Variants in ASB3 observed in about 807,000 individuals in gnomAD.
The protein encoded by ASB3 is ankyrin repeat and SOCS box protein 3.
ASB3 carries 41 observed loss-of-function variants against 54.5 expected under a neutral mutation model. The observed-to-expected ratio is 0.75, with a 90% CI of 0.59 to 0.98. ASB3 has a LOEUF of 0.98. Among genes scored for constraint, ASB3 ranks in the 50% least tolerant of loss-of-function variants. The pLI, the probability that ASB3 is intolerant of heterozygous loss-of-function variation, is 0.00. For synonymous variants in ASB3, 266 were observed against 221.2 expected (o/e 1.20, Z -1.80); for missense variants, 733 against 620.0 (o/e 1.18, Z -1.94).
At chr2:53,769,096 T>C (rs1036718964) in intron 1 of ASB3, among the ~76,000 whole-genome samples, 3 of 152,226 alleles carry the variant, frequency 2.0e-5, no homozygotes, top group African/African-American at 7.2e-5. Flanking sequence ...AAAGGGGCAA[T>C]GGCTTAGGAT....
chr2:53,762,582 T>A (rs1024102212), intron 2 of ASB3, among the ~76,000 whole-genome samples: 3 of 152,246 alleles, frequency 2.0e-5, no homozygotes, highest in Non-Finnish European at 4.4e-5. Context: ...AAGTATTTTT[T>A]AGCTATATGC....
intron 2 of ASB3, among the ~76,000 whole-genome samples, chr2:53,753,256 T>C (rs752176287): frequency 6.6e-6 from 1 of 152,212 alleles, no homozygotes; most frequent in Non-Finnish European, 1.5e-5. Context: ...ATAAACACTA[T>C]AGTCTAGTTG....
At chr2:53,784,933 C>A (rs1674854790) in intron 1 of ASB3, among the ~76,000 whole-genome samples, 1 of 152,218 alleles carries the variant, frequency 6.6e-6, no homozygotes, top group African/African-American at 2.4e-5. Flanking sequence ...CACAAATGTA[C>A]ATCGGGTCCT....
chr2:53,740,646 T>C (rs543725290), intron 3 of ASB3, among the ~76,000 whole-genome samples: 52 of 152,318 alleles, frequency 3.4e-4, no homozygotes, highest in African/African-American at 1.2e-3. Flanking sequence ...TGCATACTGA[T>C]GGGAAAAACC....
chr2:53,777,782 ATG>A (rs1674424939), intron 1 of ASB3, among the ~76,000 whole-genome samples: 1 of 152,184 alleles, frequency 6.6e-6, no homozygotes, highest in African/African-American at 2.4e-5. Context: ...TATACACAAA[ATG>A]TGTTTGTGCC....
intron 3 of ASB3, among the ~76,000 whole-genome samples, chr2:53,748,878 C>T (rs1672370750): frequency 1.3e-5 from 2 of 151,990 alleles, no homozygotes; most frequent in Admixed American, 6.6e-5. Flanking sequence ...CCAAATAATA[C>T]TATTCTATCC....
intron 2 of ASB3, among the ~76,000 whole-genome samples, chr2:53,759,825 A>G (rs1673043731): frequency 6.6e-6 from 1 of 152,198 alleles, no homozygotes; most frequent in Admixed American, 6.5e-5. Flanking sequence ...GTCAGAAGCC[A>G]CTAACCAGAT....
chr2:53,744,206 C>T lies in ASB3; in HGVS notation c.355+6577G>A, dbSNP rs1416012283. ...CCTGGCTAACACGGTGAAACCTCATCTCTACTAAAAATACAAAAAAAAAAA... is the reference window on the plus strand; with the variant it reads ...CCTGGCTAACACGGTGAAACCTCATTTCTACTAAAAATACAAAAAAAAAAA... On this transcript the variant is annotated intron_variant, in intron 3 of 9. Transcript: ENST00000263634. Among the ~76,000 whole-genome samples the T allele has an allele frequency of 3.3e-5, 5 of 150,816 alleles. No individual in the cohort carries two copies. In the South Asian group the frequency reaches 6.3e-4, roughly 19 times the overall value.
Position 53,782,544 on chromosome 2 carries a change from G to T in ASB3, c.-14+4277C>A, listed in dbSNP as rs964145578. ...TACCACAGCCCTTTACACACAAAAC[G>T]CCTGGCAGCAACAGTATTTGTTTCT... On this transcript the variant is annotated intron_variant, in intron 1 of 9. Coordinates refer to ENST00000263634, the MANE Select transcript of ASB3 (RefSeq NM_016115.5). Among the ~76,000 whole-genome samples, 3 of 152,056 alleles carry T rather than the reference G, an allele frequency of 2.0e-5. No individual in the cohort carries two copies. The South Asian group carries it at 6.2e-4, about 32-fold the overall frequency.
chr2:53,773,545 C>T (rs1245146600), intron 1 of ASB3, among the ~76,000 whole-genome samples: 3 of 152,098 alleles, frequency 2.0e-5, no homozygotes, highest in Non-Finnish European at 4.4e-5. Flanking sequence ...ATGCTCCTGC[C>T]TCAGCCTCCT....
rs563927130 is a variant in ASB3 at position 53,685,278 on chromosome 2, G to A, written c.1369+8606C>T. Among the ~76,000 whole-genome samples the A allele has an allele frequency of 2.6e-5, 4 of 152,198 alleles. No homozygotes were observed. The South Asian group carries it at 8.3e-4, about 32-fold the overall frequency. On this transcript the variant is annotated intron_variant, in intron 9 of 9. Coordinates refer to ENST00000263634, the MANE Select transcript of ASB3 (RefSeq NM_016115.5). ...ATGATCATTGCAATCAACAAAGGCAGTAGAAGAAGAGATGGAATAAGAAGA... is the reference window on the plus strand; with the variant it reads ...ATGATCATTGCAATCAACAAAGGCAATAGAAGAAGAGATGGAATAAGAAGA...
At chr2:53,705,718 G>C (rs905291463) in intron 7 of ASB3, among the ~76,000 whole-genome samples, 4 of 152,072 alleles carry the variant, frequency 2.6e-5, no homozygotes, top group African/African-American at 7.2e-5. Context: ...TAGACCTGTT[G>C]ATACTGTCCC....
At chr2:53,734,042 C>T (rs1224369285) in intron 3 of ASB3, among the ~76,000 whole-genome samples, 1 of 152,214 alleles carries the variant, frequency 6.6e-6, no homozygotes, top group Non-Finnish European at 1.5e-5. Flanking sequence ...GGTTTAAGAA[C>T]ACCTTTAAGC....
At chr2:53,735,828 A>T (rs572500965) in intron 3 of ASB3, among the ~76,000 whole-genome samples, 35 of 152,302 alleles carry the variant, frequency 2.3e-4, no homozygotes, top group African/African-American at 7.5e-4. Context: ...GAAACTGCAG[A>T]AACAGATACC....
intron 8 of ASB3, among the ~76,000 whole-genome samples, chr2:53,695,577 G>C (rs1464496324): frequency 2.0e-5 from 3 of 151,830 alleles, no homozygotes; most frequent in Non-Finnish European, 4.4e-5. Context: ...GCAGTTATCT[G>C]AACATATACA....
chr2:53,735,308 C>T (rs1227008608), intron 3 of ASB3, among the ~76,000 whole-genome samples: 1 of 152,090 alleles, frequency 6.6e-6, no homozygotes, highest in Non-Finnish European at 1.5e-5. Flanking sequence ...CCTAACTGAA[C>T]TTTCCCTCAT....
In ASB3 at chr2:53,759,396, G is replaced by A. The variant is rs189299989; in HGVS notation, c.196+5981C>T. ...GAGAAAGCATACCTCTCTGTCGCAT[G>A]ACTCTATTGAGGGCCAACTAATCTT... is the stretch of plus-strand genomic sequence containing the variant. On this transcript the variant is annotated intron_variant, in intron 2 of 9. Coordinates refer to ENST00000263634, the MANE Select transcript of ASB3 (RefSeq NM_016115.5). 3.5e-4 allele frequency among the ~76,000 whole-genome samples: 54 copies of A among 152,322 alleles called. No homozygotes were observed. The Middle Eastern group carries it at 0.017, about 48-fold the overall frequency.
At chr2:53,678,801 C>G (rs1347398653) in intron 9 of ASB3, among the ~76,000 whole-genome samples, 1 of 152,204 alleles carries the variant, frequency 6.6e-6, no homozygotes, top group African/African-American at 2.4e-5. Context: ...AAGGAAATTA[C>G]TTCCTTGGCC....
chr2:53,774,099 A>G (rs528086890), intron 1 of ASB3: 30 of 1,527,870 alleles, frequency 2.0e-5, no homozygotes, highest in Non-Finnish European at 2.5e-5. Flanking sequence ...ACCTATTTTA[A>G]TTAGCCTTAT....
Sources: allele counts gnomAD v4.1 joint callset (sites outside exome capture counted in the v4.1 genomes callset), GRCh38; gene constraint gnomAD v4.1.1; transcripts MANE v1.5; gene names NCBI Gene and HGNC (gene_info 2026-07-23, HGNC 2026-07-21).